Variants in PDE6B observed in about 807,000 individuals in gnomAD.
PDE6B encodes the protein phosphodiesterase 6B, also known as rod cGMP-specific 3',5'-cyclic phosphodiesterase subunit beta.
In PDE6B, 106 loss-of-function variants were observed where a neutral mutation model predicts 109.0. That is an observed-to-expected ratio of 0.97 (90% CI 0.83 to 1.14). PDE6B has a LOEUF of 1.14. PDE6B is among the 50% of genes most tolerant of loss of function. PDE6B has a pLI of 0.00. For synonymous variants in PDE6B, 490 were observed against 471.3 expected, an observed-to-expected ratio of 1.04 and a Z score of -0.51; for missense variants, 1,193 against 1,155.6, an observed-to-expected ratio of 1.03 and a Z score of -0.47.
chr4:662,609 AC>A lies in PDE6B; in HGVS notation c.1825del (p.Gln609ArgfsTer2). 1 of 1,605,660 alleles carries A rather than the reference AC, an allele frequency of 6.2e-7. No homozygotes were observed. The highest frequency in any genetic ancestry group is 8.5e-7 in the Non-Finnish European group (1 of 1,173,154). On this transcript the variant is annotated frameshift_variant, in exon 14 of 22. Coordinates refer to ENST00000496514, the MANE Select transcript of PDE6B (RefSeq NM_000283.4). LOFTEE classifies it high-confidence loss of function. This position sits in a 1 kb window ranked among gnomAD's most constrained non-coding sequence, Gnocchi z 4.3. Reference protein sequence around the residue: ...DIDHRGTNNLYQMKSQNPLAK... With the variant: ...DIDHRGTNNLXQMKSQNPLAK... ...GACCACCGCGGCACCAACAACCTGT[AC>A]CAGATGAAGTAGGCACCTCAGGGCG...
rs1737812387 is a variant in PDE6B, at chr4:666,531, C to T, written c.2269C>T (p.Pro757Ser). Residue 757 changes from proline to serine, a missense_variant and splice_region_variant, in exon 20 of 22, where the codon CCT (proline) becomes TCT (serine). Pro to Ser is a moderately conservative substitution (Grantham distance 74). Transcript: ENST00000496514. The surrounding 1 kb of genome is among the most constrained non-coding windows in gnomAD (Gnocchi z 5.6). ...TCCCGCCCTCTGTTCCTCCCACCAGCCTATGATGGACCGGAACAAGGCGGC... is the reference window on the plus strand; with the variant it reads ...TCCCGCCCTCTGTTCCTCCCACCAGTCTATGATGGACCGGAACAAGGCGGC... Reference protein sequence around the residue: ...ERTVLDQQPIPMMDRNKAAEL... With the variant: ...ERTVLDQQPISMMDRNKAAEL... The T allele has an allele frequency of 1.2e-6, 2 of 1,608,876 alleles. No individual in the cohort carries two copies. Among genetic ancestry groups the T allele is most frequent in the South Asian group, 1.1e-5 (1 of 90,992 alleles).
At chr4:653,726 G>A (rs553902244) in intron 3 of PDE6B, 126 bp from the exon 4 acceptor site, 10 of 1,078,452 alleles carry the variant, frequency 9.3e-6, no homozygotes, top group African/African-American at 4.6e-5. Flanking sequence ...CAGGCTCCAC[G>A]GCTGGGCAGG....
chr4:670,067 G>A lies in PDE6B; in HGVS notation c.2525G>A (p.Gly842Asp), dbSNP rs1160263275. 1 of 1,613,152 alleles carries A rather than the reference G, an allele frequency of 6.2e-7. No individual in the cohort carries two copies. The highest frequency in any genetic ancestry group is 8.5e-7 in the Non-Finnish European group (1 of 1,179,636). The change falls in exon 22 of 22, where the codon GGC becomes GAC. Residue 842 changes from glycine (G) to aspartate (D), a missense_variant. Transcript: ENST00000496514. ...AKKVGTEICNGGPAPKSSTCC... is the reference protein window; with the variant it reads ...AKKVGTEICNDGPAPKSSTCC... The stretch of plus-strand genomic sequence containing the variant: ...GCAGTAGGCACAGAAATTTGCAATG[G>A]CGGCCCAGCACCCAAGTCTTCAACC...
At chr4:649,045 C>T (rs115236769) in intron 3 of PDE6B, among the ~76,000 whole-genome samples, 3,529 of 152,250 alleles carry the variant, frequency 0.023, 44 homozygotes, top group Middle Eastern at 0.037. Context: ...TGGCCAACTT[C>T]GGACTTAGGG....
rs73056584 is a variant in PDE6B, at chr4:639,069, C to T, written c.711+3100C>T. ...CAGTCCACCACTGTGATAGGAAACA[C>T]GTGCAAAGATTTTTACTACAGGTCC... On this transcript the variant is annotated intron_variant, in intron 3 of 21. Coordinates refer to ENST00000496514, the MANE Select transcript of PDE6B (RefSeq NM_000283.4). Among the ~76,000 whole-genome samples, 859 of 152,238 alleles carry T rather than the reference C, an allele frequency of 5.6e-3. 8 individuals carry two copies. The highest frequency in any genetic ancestry group is 0.019 in the African/African-American group (799 of 41,538).
At chr4:654,631 G>A in intron 5 of PDE6B, 193 bp from the exon 6 acceptor site, 1 of 667,842 alleles carries the variant, frequency 1.5e-6, no homozygotes, top group Non-Finnish European at 2.7e-6. Flanking sequence ...GGACATGGGT[G>A]TGAGTGCACC....
Position 663,026 on chromosome 4 carries a change from C to T in PDE6B, c.1833-74C>T. 1.2e-6 allele frequency: 1 copy of T among 861,804 alleles called. No individual in the cohort carries two copies. The highest frequency in any genetic ancestry group is 1.3e-5 in the South Asian group (1 of 76,000). 53.4% of individuals were successfully genotyped at this position (861,804 alleles called of 1,614,324 possible). A position where few individuals can be genotyped will look rare whatever the true frequency, so the allele number is the denominator to read the frequency against. ...TCAAAAAAAAGAAAGTGGGGCCCAT[C>T]TGGGGGGGCTGCAGAGCGCAGGGTG... On this transcript the variant is annotated intron_variant, in intron 14 of 21. Coordinates refer to ENST00000496514, the MANE Select transcript of PDE6B (RefSeq NM_000283.4). The surrounding 1 kb of genome is among the most constrained non-coding windows in gnomAD (Gnocchi z 4.0).
chr4:652,131 G>A (rs967849382), intron 3 of PDE6B: 1 of 152,814 alleles, frequency 6.5e-6, no homozygotes, highest in Non-Finnish European at 1.5e-5. Context: ...CAGGGGTCAG[G>A]GTCACTGGAG....
rs1241299274 is a variant in PDE6B at position 663,490 on chromosome 4, C to A, written c.1921-280C>A. Among the ~76,000 whole-genome samples, 1 of 152,178 alleles carries A rather than the reference C, an allele frequency of 6.6e-6. No individual in the cohort carries two copies. Among genetic ancestry groups the A allele is most frequent in the Non-Finnish European group, 1.5e-5 (1 of 68,022 alleles). On this transcript the variant is annotated intron_variant, in intron 15 of 21. Transcript: ENST00000496514. The surrounding 1 kb of genome is among the most constrained non-coding windows in gnomAD (Gnocchi z 4.0). ...GAATGAAGGGCAGCCGAGCCCTGAG[C>A]GGCCCCCAAGGACCTGGACACTCAG...
chr4:653,464 G>A (rs971856697), intron 3 of PDE6B: 54 of 618,206 alleles, frequency 8.7e-5, no homozygotes, highest in Non-Finnish European at 1.2e-4. Flanking sequence ...CAGGCGGCCT[G>A]ACGTGCGGAA....
At chr4:643,294 C>T (rs923027259) in intron 3 of PDE6B, among the ~76,000 whole-genome samples, 13 of 151,126 alleles carry the variant, frequency 8.6e-5, no homozygotes, top group Admixed American at 2.6e-4. Flanking sequence ...GGAGACAGAG[C>T]GAGATTCCAT....
intron 3 of PDE6B, among the ~76,000 whole-genome samples, chr4:645,895 C>T (rs943103197): frequency 2.6e-5 from 4 of 152,054 alleles, no homozygotes; most frequent in African/African-American, 7.3e-5. Context: ...TATCTTACCA[C>T]AATGTACCTA....
chr4:634,149 C>T (rs1345367396), intron 1 of PDE6B, among the ~76,000 whole-genome samples: 2 of 152,048 alleles, frequency 1.3e-5, no homozygotes, highest in Admixed American at 6.5e-5. Context: ...GACTCCCACC[C>T]CGGCCTGCCA....
intron 21 of PDE6B, among the ~76,000 whole-genome samples, chr4:668,561 C>T (rs1258283854): frequency 7.8e-6 from 1 of 127,954 alleles, no homozygotes; most frequent in African/African-American, 3.2e-5. Context: ...ATGCTATTCC[C>T]CTACCCCATG....
At chr4:635,396 CCTGCCCGT>C (rs1734623765) in intron 2 of PDE6B, among the ~76,000 whole-genome samples, 1 of 127,760 alleles carries the variant, frequency 7.8e-6, no homozygotes, top group African/African-American at 3.3e-5. Flanking sequence ...TCCCTGCCTG[CCTGCCCGT>C]GTGTTCTGTG....
intron 21 of PDE6B, among the ~76,000 whole-genome samples, chr4:669,263 T>G (rs1738182997): frequency 6.8e-6 from 1 of 147,642 alleles, no homozygotes; most frequent in Non-Finnish European, 1.5e-5. Flanking sequence ...CCCATGCTAT[T>G]CCCACTACTC....
Position 637,231 on chromosome 4 carries a change from G to A in PDE6B, c.711+1262G>A, listed in dbSNP as rs552944220. Among the ~76,000 whole-genome samples the A allele has an allele frequency of 1.6e-4, 23 of 142,864 alleles. No homozygotes were observed. The Middle Eastern group carries it at 0.014, about 90-fold the overall frequency. 93.7% of individuals were successfully genotyped at this position (142,864 alleles called of 152,430 possible). ...GGGGTTTTGCTTTGCTTTGTTTTTT[G>A]TTTTTTTTTTTATGTTTTTGGTTTT... On this transcript the variant is annotated intron_variant, in intron 3 of 21. Coordinates refer to ENST00000496514, the MANE Select transcript of PDE6B (RefSeq NM_000283.4).
intron 1 of PDE6B, among the ~76,000 whole-genome samples, chr4:629,236 T>C (rs1734261925): frequency 6.6e-6 from 1 of 152,108 alleles, no homozygotes; most frequent in African/African-American, 2.4e-5. Context: ...CATCCCCCGC[T>C]GTGCACCCCG....
Position 639,984 on chromosome 4 carries a change from C to T in PDE6B, c.711+4015C>T, listed in dbSNP as rs559494395. On this transcript the variant is annotated intron_variant, in intron 3 of 21. Transcript: ENST00000496514. ...CTGTACTCCAGCCTGGGCGACAGAG[C>T]GAGACTCCATCTCCAAAAAAATAAA... 4.6e-5 allele frequency among the ~76,000 whole-genome samples: 7 copies of T among 151,666 alleles called. No homozygotes were observed. The South Asian group carries it at 6.3e-4, about 14-fold the overall frequency.
Sources: gnomAD v4.1 joint callset for allele counts (sites outside exome capture counted in the v4.1 genomes callset) on GRCh38, gnomAD v4.1.1 for gene constraint, Gnocchi (gnomAD v3.1) non-coding constraint, MANE v1.5 for transcripts, NCBI Gene and HGNC (gene_info 2026-07-23, HGNC 2026-07-21) for gene names.